The following AOPEP variants were observed in gnomAD, a reference collection of about 807,000 sequenced individuals.
AOPEP encodes the protein aminopeptidase O.
Under a neutral mutation model 98.1 loss-of-function variants are expected in AOPEP, and 77 were observed. The observed-to-expected ratio is 0.78, with a 90% CI of 0.65 to 0.95. AOPEP has a LOEUF of 0.95. Among genes scored for constraint, AOPEP ranks in the 40% least tolerant of loss-of-function variants. AOPEP has a pLI of 0.00. For missense variants in AOPEP, 1,024 were observed against 1,024.7 expected (o/e 1.00, Z 0.01); for synonymous variants, 346 against 365.3 (o/e 0.95, Z 0.60).
chr9:94,915,707 G>T (rs573011337), intron 5 of AOPEP, among the ~76,000 whole-genome samples: 7 of 152,180 alleles, frequency 4.6e-5, no homozygotes, highest in Admixed American at 2.6e-4. Context: ...TTGCTACTTC[G>T]TGTCTGCTTT....
intron 11 of AOPEP, among the ~76,000 whole-genome samples, chr9:94,984,073 AC>A (rs1446190278): frequency 1.3e-5 from 2 of 148,282 alleles, no homozygotes; most frequent in Admixed American, 1.4e-4. Flanking sequence ...TCGCTCTGTT[AC>A]CCAGGATGGA....
intron 5 of AOPEP, among the ~76,000 whole-genome samples, chr9:94,847,737 A>G (rs992040466): frequency 1.3e-5 from 2 of 152,204 alleles, no homozygotes; most frequent in Non-Finnish European, 2.9e-5. Flanking sequence ...TGGAACCACA[A>G]CAATCCTGTT....
chr9:95,125,679 T>C, the AOPEP span, among the ~76,000 whole-genome samples: 2 of 152,198 alleles, frequency 1.3e-5, no homozygotes, highest in African/African-American at 4.8e-5. Context: ...ACAAAAAAAC[T>C]CTCAAATTTT....
the AOPEP span, among the ~76,000 whole-genome samples, chr9:95,139,452 T>C: frequency 6.6e-6 from 1 of 152,112 alleles, no homozygotes; most frequent in Admixed American, 6.6e-5. Flanking sequence ...AAACATCAGT[T>C]TGAGGATATT....
intron 5 of AOPEP, among the ~76,000 whole-genome samples, chr9:94,912,400 T>C (rs2052181968): frequency 2.0e-5 from 3 of 151,940 alleles, no homozygotes; most frequent in Admixed American, 2.0e-4. Context: ...ACCCCCATGC[T>C]CAGAATGTCC....
intron 14 of AOPEP, among the ~76,000 whole-genome samples, chr9:95,078,965 G>A (rs771166088): frequency 6.6e-6 from 1 of 152,332 alleles, no homozygotes; most frequent in Admixed American, 6.5e-5. Flanking sequence ...CTTGTATAGT[G>A]TGTCGTTAAT....
the AOPEP span, chr9:95,101,228 C>G: frequency 3.9e-6 from 1 of 258,940 alleles, no homozygotes; most frequent in Non-Finnish European, 7.6e-6. Flanking sequence ...AAGAATTTCT[C>G]CATACAGCAA....
rs747916174 is a variant in AOPEP, at chr9:94,800,852, CT to C, written c.1215del (p.Val406CysfsTer14). The C allele has an allele frequency of 6.0e-5, 97 of 1,614,216 alleles. No homozygotes were observed. Among genetic ancestry groups the C allele is most frequent in the Non-Finnish European group, 7.8e-5 (92 of 1,180,046 alleles). The stretch of plus-strand genomic sequence containing the variant: ...ATCATTCCTCATCGGGTCTTTGCCC[CT>C]GTGTGCCTCACGGGTGCCTGCCAAG... ...QEIIPHRVFA[P>X]VCLTGACQET... On this transcript the variant is annotated frameshift_variant, in exon 5 of 17. Transcript: ENST00000375315. LOFTEE classifies it high-confidence loss of function.
chr9:95,136,540 G>A, the AOPEP span, among the ~76,000 whole-genome samples: 1 of 151,834 alleles, frequency 6.6e-6, no homozygotes, highest in African/African-American at 2.4e-5. Flanking sequence ...AGGCTAGAGT[G>A]CAATGGTGTG....
At chr9:94,735,253 C>G (rs886966814) in intron 1 of AOPEP, among the ~76,000 whole-genome samples, 2 of 152,228 alleles carry the variant, frequency 1.3e-5, no homozygotes, top group African/African-American at 2.4e-5. Flanking sequence ...CGGAGTCTCG[C>G]TCTGTCACCC....
At chr9:95,107,353 AACCCCC>A in the AOPEP span, 4 of 1,443,640 alleles carry the variant, frequency 2.8e-6, no homozygotes, top group Non-Finnish European at 3.8e-6. Flanking sequence ...GCTTTGAAAC[AACCCCC>A]AGAAACGGGT....
chr9:94,837,852 A>G (rs2041809176), intron 5 of AOPEP, among the ~76,000 whole-genome samples: 2 of 152,218 alleles, frequency 1.3e-5, no homozygotes, highest in Non-Finnish European at 2.9e-5. Flanking sequence ...AACTGAAATA[A>G]GATAAGGATG....
At chr9:95,002,285 CAT>C (rs1384913357) in intron 11 of AOPEP, among the ~76,000 whole-genome samples, 1 of 152,002 alleles carries the variant, frequency 6.6e-6, no homozygotes, top group African/African-American at 2.4e-5. Context: ...CACTATATAA[CAT>C]ATTTATTGAA....
chr9:94,760,380 G>C lies in AOPEP; in HGVS notation c.597G>C (p.Trp199Cys). 1 of 1,614,156 alleles carries C rather than the reference G, an allele frequency of 6.2e-7. No individual in the cohort carries two copies. The highest frequency in any genetic ancestry group is 8.5e-7 in the Non-Finnish European group (1 of 1,180,036). The part of the protein sequence containing the change: ...RELVTLPANR[W>C]REQLDYYARC... ...TTGTGACTTTGCCTGCAAATCGTTG[G>C]AGGGAGCAGTTAGACTATTACGCTC... The change falls in exon 2 of 17, where the codon TGG becomes TGC. Residue 199 changes from tryptophan to cysteine, a missense_variant. By Grantham distance (215) the Trp-to-Cys change is radical (BLOSUM62 -2). This residue lies in a region of AOPEP where 440 missense variants were observed against 433.8 expected (regional missense o/e 1.01). Coordinates refer to ENST00000375315, the MANE Select transcript of AOPEP (RefSeq NM_001193329.3).
the AOPEP span, among the ~76,000 whole-genome samples, chr9:95,120,212 G>C: frequency 6.6e-6 from 1 of 152,118 alleles, no homozygotes; most frequent in Non-Finnish European, 1.5e-5. Context: ...TAATGTTTGA[G>C]GTTCATTTTT....
At chr9:94,909,551 A>C (rs1384398272) in intron 5 of AOPEP, among the ~76,000 whole-genome samples, 1 of 152,204 alleles carries the variant, frequency 6.6e-6, no homozygotes, top group African/African-American at 2.4e-5. Context: ...GATGAGGCTG[A>C]AACTTAAGGG....
Position 94,810,084 on chromosome 9 carries a change from GC to G in AOPEP, c.1364+9083del, listed in dbSNP as rs766737375. ...TCACAGGTAAGAAGGTCAGGAAGAG[GC>G]TGGAGCGTGCCGGTGAATGGGTGAG... On this transcript the variant is annotated intron_variant, in intron 5 of 16. Coordinates refer to ENST00000375315, the MANE Select transcript of AOPEP (RefSeq NM_001193329.3). 2.6e-5 allele frequency: 4 copies of G among 156,050 alleles called. No homozygotes were observed. In the South Asian group the frequency reaches 8.1e-4, roughly 32 times the overall value. The allele number at this position is 156,050 out of a possible 1,614,324, so 9.7% of individuals were successfully genotyped here.
chr9:94,826,702 G>T (rs781444244), intron 5 of AOPEP, among the ~76,000 whole-genome samples: 4 of 152,168 alleles, frequency 2.6e-5, no homozygotes, highest in Non-Finnish European at 4.4e-5. Context: ...TGATAATAAT[G>T]ATGGTGGTGG....
At chr9:94,798,614 T>C (rs993496594) in intron 4 of AOPEP, among the ~76,000 whole-genome samples, 1 of 152,216 alleles carries the variant, frequency 6.6e-6, no homozygotes, top group Non-Finnish European at 1.5e-5. Context: ...GTGGTAGATA[T>C]AATTTAAGCT....
Sources: gnomAD v4.1 joint callset for allele counts (sites outside exome capture counted in the v4.1 genomes callset) on GRCh38, gnomAD v4.1.1 for gene constraint, gnomAD v4.1.1 regional missense constraint, MANE v1.5 for transcripts, NCBI Gene and HGNC (gene_info 2026-07-23, HGNC 2026-07-21) for gene names.